GAS2: variants seen among roughly 807,000 people sequenced by gnomAD.
The protein encoded by GAS2 is growth arrest-specific protein 2.
GAS2 carries 20 observed loss-of-function variants against 37.5 expected under a neutral mutation model. The observed-to-expected ratio is 0.53, with a 90% CI of 0.37 to 0.77. The LOEUF (loss-of-function observed/expected upper bound fraction) is 0.77. GAS2 is among the 30% of genes least tolerant of loss of function. The pLI, the probability that GAS2 is intolerant of heterozygous loss-of-function variation, is 0.00. For missense variants in GAS2, 336 were observed against 373.4 expected, an observed-to-expected ratio of 0.90 and a Z score of 0.82; for synonymous variants, 144 against 132.2, an observed-to-expected ratio of 1.09 and a Z score of -0.61.
At chr11:22,731,220 C>T (rs952547279) in intron 4 of GAS2, 6 of 317,994 alleles carry the variant, frequency 1.9e-5, no homozygotes, top group African/African-American at 6.7e-5. Context: ...TATACACATT[C>T]TGGTGAGCTG....
chr11:22,764,561 C>CAAAAAAAAAA (rs71311297), intron 7 of GAS2, among the ~76,000 whole-genome samples: 1 of 61,614 alleles, frequency 1.6e-5, no homozygotes, highest in Non-Finnish European at 3.3e-5. Flanking sequence ...GACTCCGTCT[C>CAAAAAAAAAA]AAAAAAAAAA....
At chr11:22,735,516 G>A (rs1241315237) in intron 4 of GAS2, among the ~76,000 whole-genome samples, 1 of 151,660 alleles carries the variant, frequency 6.6e-6, no homozygotes, top group Non-Finnish European at 1.5e-5. Context: ...TTGCCAAATT[G>A]CTTTTCTAAT....
intron 1 of GAS2, chr11:22,626,817 A>G (rs993493025): frequency 2.6e-5 from 4 of 152,260 alleles, no homozygotes; most frequent in Admixed American, 2.0e-4. Context: ...AAAGAGGGGA[A>G]GAGTCATTTT....
At chr11:22,788,577 G>T (rs2134546241) in intron 7 of GAS2, among the ~76,000 whole-genome samples, 1 of 152,202 alleles carries the variant, frequency 6.6e-6, no homozygotes, top group Middle Eastern at 3.4e-3. Flanking sequence ...GCACACTATA[G>T]TAATTACAGA....
At chr11:22,767,285 A>G (rs1854743771) in intron 7 of GAS2, among the ~76,000 whole-genome samples, 1 of 152,154 alleles carries the variant, frequency 6.6e-6, no homozygotes, top group Non-Finnish European at 1.5e-5. Context: ...GTTAAATTAT[A>G]TTATGAAAAT....
chr11:22,791,758 A>G (rs1028052210), intron 7 of GAS2, among the ~76,000 whole-genome samples: 1 of 152,180 alleles, frequency 6.6e-6, no homozygotes, highest in African/African-American at 2.4e-5. Context: ...CTCCCTACAC[A>G]TATACTATAG....
chr11:22,752,696 A>G (rs927431968), intron 6 of GAS2, among the ~76,000 whole-genome samples: 1 of 151,890 alleles, frequency 6.6e-6, no homozygotes, highest in Non-Finnish European at 1.5e-5. Flanking sequence ...AGGGAAAAAA[A>G]AACAAGAAGA....
chr11:22,724,207 A>C (rs1297015099), intron 3 of GAS2, among the ~76,000 whole-genome samples: 2 of 152,014 alleles, frequency 1.3e-5, no homozygotes, highest in Non-Finnish European at 2.9e-5. Flanking sequence ...CCATCATAGG[A>C]AAAATATCTG....
chr11:22,650,792 T>C (rs1205398178), intron 1 of GAS2, among the ~76,000 whole-genome samples: 2 of 152,188 alleles, frequency 1.3e-5, no homozygotes, highest in Non-Finnish European at 2.9e-5. Flanking sequence ...TCCATCCTTT[T>C]ATTTTGAGCC....
At chr11:22,707,574 T>C (rs190405400) in intron 3 of GAS2, among the ~76,000 whole-genome samples, 1 of 152,304 alleles carries the variant, frequency 6.6e-6, no homozygotes, top group Non-Finnish European at 1.5e-5. Flanking sequence ...ACAGTTTGTC[T>C]AAGTGCTCGG....
chr11:22,786,471 G>T (rs934420184), intron 7 of GAS2, among the ~76,000 whole-genome samples: 3 of 152,080 alleles, frequency 2.0e-5, no homozygotes, highest in African/African-American at 7.2e-5. Context: ...CATGCAGAAA[G>T]AACTTATCAC....
At chr11:22,701,550 T>C (rs1473807712) in intron 3 of GAS2, among the ~76,000 whole-genome samples, 1 of 151,972 alleles carries the variant, frequency 6.6e-6, no homozygotes, top group Non-Finnish European at 1.5e-5. Context: ...CGGAAAGGGC[T>C]GGGCGCGGTG....
chr11:22,805,840 C>T (rs1295759624), intron 7 of GAS2, among the ~76,000 whole-genome samples: 1 of 152,054 alleles, frequency 6.6e-6, no homozygotes, highest in Non-Finnish European at 1.5e-5. Context: ...CCCTTTTGGA[C>T]CATATAGGGT....
chr11:22,732,511 C>CT (rs1288999380), intron 4 of GAS2, among the ~76,000 whole-genome samples: 1 of 151,636 alleles, frequency 6.6e-6, no homozygotes, highest in Non-Finnish European at 1.5e-5. Flanking sequence ...TCTTTGTTTG[C>CT]TTTTTCCTTC....
At chr11:22,655,142 A>G (rs1848840842) in intron 1 of GAS2, among the ~76,000 whole-genome samples, 1 of 152,116 alleles carries the variant, frequency 6.6e-6, no homozygotes, top group South Asian at 2.1e-4. Flanking sequence ...TGAAGACTGT[A>G]CATTTTCAGG....
intron 3 of GAS2, among the ~76,000 whole-genome samples, chr11:22,706,332 T>G (rs1426969948): frequency 6.6e-6 from 1 of 151,774 alleles, no homozygotes. Flanking sequence ...AGACGGTTTT[T>G]TTTTTTCTTT....
At chr11:22,681,881 T>G (rs1219061582) in intron 2 of GAS2, among the ~76,000 whole-genome samples, 1 of 152,064 alleles carries the variant, frequency 6.6e-6, no homozygotes, top group Admixed American at 6.5e-5. Flanking sequence ...AATGTAATAA[T>G]GAGATAATAT....
intron 1 of GAS2, among the ~76,000 whole-genome samples, chr11:22,650,856 T>A (rs1396074829): frequency 1.5e-4 from 23 of 151,608 alleles, no homozygotes; most frequent in Non-Finnish European, 3.1e-4. Context: ...CACTGATGGA[T>A]CTTGACTCTT....
intron 4 of GAS2, among the ~76,000 whole-genome samples, chr11:22,728,576 T>A (rs11026756): frequency 0.15 from 22,052 of 151,200 alleles, 1,717 homozygotes; most frequent in East Asian, 0.2. Flanking sequence ...TACAAATTTT[T>A]AAGTCTATAA....
Sources: gnomAD v4.1 joint callset for allele counts (sites outside exome capture counted in the v4.1 genomes callset) on GRCh38, gnomAD v4.1.1 for gene constraint, MANE v1.5 for transcripts, NCBI Gene and HGNC (gene_info 2026-07-23, HGNC 2026-07-21) for gene names.